Variants in HSPG2 observed in about 807,000 individuals in gnomAD.
HSPG2 encodes basement membrane-specific heparan sulfate proteoglycan core protein.
In HSPG2, 278 loss-of-function variants were observed where a neutral mutation model predicts 526.6. That is an observed-to-expected ratio of 0.53 (90% CI 0.48 to 0.58). The LOEUF (loss-of-function observed/expected upper bound fraction) is 0.58, where lower values mean the gene tolerates loss of function less well. Ranked by LOEUF, HSPG2 falls within the 20% of genes least tolerant of loss-of-function variation. The pLI, the probability that HSPG2 is intolerant of heterozygous loss-of-function variation, is 0.00. For missense variants in HSPG2, 5,354 were observed against 6,099.5 expected (o/e 0.88, Z 4.07); for synonymous variants, 2,465 against 2,555.4 (o/e 0.96, Z 1.07).
At chr1:21,936,659 A>T (rs1426880341) in intron 1 of HSPG2, among the ~76,000 whole-genome samples, 2 of 152,142 alleles carry the variant, frequency 1.3e-5, no homozygotes, top group Non-Finnish European at 2.9e-5. Flanking sequence ...TTCTGTCCCA[A>T]AAGTTTTGCT....
intron 3 of HSPG2, among the ~76,000 whole-genome samples, chr1:21,892,862 C>CG: frequency 9.6e-6 from 1 of 103,884 alleles, no homozygotes; most frequent in African/African-American, 3.9e-5. Flanking sequence ...GACTCCATCT[C>CG]AAAAAAAAAA....
chr1:21,875,655 G>C lies in HSPG2; in HGVS notation c.3276C>G (p.Ser1092=). 1.2e-6 allele frequency: 2 copies of C among 1,602,606 alleles called. No homozygotes were observed. The highest frequency in any genetic ancestry group is 8.5e-7 in the Non-Finnish European group (1 of 1,179,944). ...TGCTCTCAGCGGGCTGCTGGGCGTAGGATGCTCGGATCAGGAGGGTGTCGA... is the reference window on the plus strand; with the variant it reads ...TGCTCTCAGCGGGCTGCTGGGCGTACGATGCTCGGATCAGGAGGGTGTCGA... ...AGIDTLLIRA[S]YAQQPAESRV... The change falls in exon 25 of 97, where the codon TCC becomes TCG. Residue 1092 remains serine (S), a synonymous_variant. Transcript: ENST00000374695.
intron 86 of HSPG2, 150 bp downstream of exon 86, chr1:21,829,843 C>T: frequency 1.3e-6 from 1 of 785,646 alleles, no homozygotes; most frequent in Non-Finnish European, 2.1e-6. Flanking sequence ...GGGGCTCAGG[C>T]TGGGCAGACA....
rs765268891 is a variant in HSPG2 at position 21,831,575 on chromosome 1, G to A, written c.11353-13C>T. ...CCTGGAACTTGCCCTGGGGAGGTGG[G>A]GAAGTCAGGAATGGCAACAGAGGCT... On this transcript the variant is annotated splice_polypyrimidine_tract_variant and intron_variant, in intron 82 of 96. Transcript: ENST00000374695. 3 of 1,614,040 alleles carry A rather than the reference G, an allele frequency of 1.9e-6. No individual in the cohort carries two copies. Among genetic ancestry groups the A allele is most frequent in the Middle Eastern group, 1.6e-4 (1 of 6,062 alleles).
chr1:21,838,725 G>T, intron 74 of HSPG2, 100 bp downstream of exon 74: 2 of 1,283,838 alleles, frequency 1.6e-6, no homozygotes, highest in Non-Finnish European at 1.1e-6. Context: ...TCCAGGTGGG[G>T]TTATGGAGGG....
At position 21,872,509 on chromosome 1, in the gene HSPG2, C is replaced by T; in HGVS notation, c.4029+111G>A. 1 of 1,413,702 alleles carries T rather than the reference C, an allele frequency of 7.1e-7. No individual in the cohort carries two copies. The highest frequency in any genetic ancestry group is 9.8e-7 in the Non-Finnish European group (1 of 1,023,742). 87.6% of individuals were successfully genotyped at this position (1,413,702 alleles called of 1,614,324 possible). On this transcript the variant is annotated intron_variant, in intron 32 of 96. Transcript: ENST00000374695. This position sits in a 1 kb window ranked among gnomAD's most constrained non-coding sequence, Gnocchi z 5.5. Reference sequence around the variant, plus strand: ...AGGACTGCGAGAGAAATAATGGGGGCATGTGAGGGTACTGAGGCGGGGATG... The same window carrying T: ...AGGACTGCGAGAGAAATAATGGGGGTATGTGAGGGTACTGAGGCGGGGATG...
intron 52 of HSPG2, 46 bp downstream of exon 52, chr1:21,852,654 G>T (rs1359181071): frequency 3.1e-6 from 5 of 1,611,392 alleles, no homozygotes; most frequent in African/African-American, 2.7e-5. Context: ...CACCCCGGAG[G>T]CCTCTCTGCC....
rs1240350391 is a variant in HSPG2 at position 21,839,774 on chromosome 1, C to T, written c.9709+48G>A. ...TCACATGTGTCTACATTTCAGACCC[C>T]AGGGCATCCCTGCCCTGCCAGCCCT... On this transcript the variant is annotated intron_variant, in intron 72 of 96. Coordinates refer to ENST00000374695, the MANE Select transcript of HSPG2 (RefSeq NM_005529.7). This position sits in a 1 kb window ranked among gnomAD's most constrained non-coding sequence, Gnocchi z 4.5. The T allele has an allele frequency of 6.3e-6, 10 of 1,596,602 alleles. No homozygotes were observed. Among genetic ancestry groups the T allele is most frequent in the Non-Finnish European group, 8.6e-6 (10 of 1,168,772 alleles).
Position 21,896,306 on chromosome 1 carries a change from G to T in HSPG2, c.68C>A (p.Thr23Asn). The change falls in exon 2 of 97, where the codon ACC (threonine) becomes AAC (asparagine). Residue 23 changes from threonine (T) to asparagine (N), a missense_variant. Thr to Asn is a moderately conservative substitution (Grantham distance 65). Transcript: ENST00000374695. ...LLLHGRLLAV[T>N]HGLRAYDGLS... ...GCCATCGTATGCCCTCAGCCCATGG[G>T]TCACCTGTAAGCAAACGAGAGCTGA... The T allele has an allele frequency of 6.2e-7, 1 of 1,613,184 alleles. No homozygotes were observed. Among genetic ancestry groups the T allele is most frequent in the Non-Finnish European group, 8.5e-7 (1 of 1,180,010 alleles).
Position 21,839,673 on chromosome 1 carries a change from C to G in HSPG2, c.9710-123G>C. 7.1e-7 allele frequency: 1 copy of G among 1,405,328 alleles called. No homozygotes were observed. The highest frequency in any genetic ancestry group is 9.8e-7 in the Non-Finnish European group (1 of 1,017,654). The allele number at this position is 1,405,328 out of a possible 1,614,324, so 87.1% of individuals were successfully genotyped here. ...CTCTATGGGGACCCCAGTTGGGTTC[C>G]TCGGCCATCACTGGGGGATGCTAGC... On this transcript the variant is annotated intron_variant, in intron 72 of 96. Coordinates refer to ENST00000374695, the MANE Select transcript of HSPG2 (RefSeq NM_005529.7). This position sits in a 1 kb window ranked among gnomAD's most constrained non-coding sequence, Gnocchi z 4.5.
intron 21 of HSPG2, 36 bp downstream of exon 21, chr1:21,878,150 C>T (rs781722915): frequency 4.4e-6 from 7 of 1,597,496 alleles, no homozygotes; most frequent in Middle Eastern, 3.5e-4. Flanking sequence ...GTGCTGGGCC[C>T]AAGGCCCCTG....
chr1:21,928,841 C>G (rs983523754), intron 1 of HSPG2, among the ~76,000 whole-genome samples: 2 of 152,050 alleles, frequency 1.3e-5, no homozygotes, highest in African/African-American at 4.8e-5. Context: ...CCTCCGCCTC[C>G]CGGGTTCAAG....
At chr1:21,837,748 G>T (rs184696782) in intron 74 of HSPG2, among the ~76,000 whole-genome samples, 1 of 152,260 alleles carries the variant, frequency 6.6e-6, no homozygotes, top group African/African-American at 2.4e-5. Context: ...AGTGCCTACT[G>T]CGAGCCACAG....
At chr1:21,915,829 C>T (rs1463238573) in intron 1 of HSPG2, among the ~76,000 whole-genome samples, 5 of 151,882 alleles carry the variant, frequency 3.3e-5, no homozygotes, top group Non-Finnish European at 7.4e-5. Context: ...GTGGGCGGAT[C>T]ACCTGAGGTC....
chr1:21,915,940 A>C (rs1643876391), intron 1 of HSPG2, among the ~76,000 whole-genome samples: 1 of 151,692 alleles, frequency 6.6e-6, no homozygotes, highest in Non-Finnish European at 1.5e-5. Flanking sequence ...AATCCCAGCT[A>C]CTCGGGAGGC....
chr1:21,846,691 C>G, intron 62 of HSPG2, 92 bp from the exon 63 acceptor site: 1 of 1,415,388 alleles, frequency 7.1e-7, no homozygotes, highest in Non-Finnish European at 1.0e-6. Context: ...ATCTCACCCC[C>G]CAGAGTAACA....
rs1162348151 is a variant in HSPG2 at position 21,823,388 on chromosome 1, G to C, written c.13104C>G (p.Ala4368=). The C allele has an allele frequency of 1.3e-6, 2 of 1,557,978 alleles. No homozygotes were observed. The highest frequency in any genetic ancestry group is 1.7e-6 in the Non-Finnish European group (2 of 1,156,316). Reference sequence around the variant, plus strand: ...GCAGGTCCAGGGGCTGTGGGGGCGGGGCGCCGGGTCGGGCCGAGTGCAGCA... The same window carrying C: ...GCAGGTCCAGGGGCTGTGGGGGCGGCGCGCCGGGTCGGGCCGAGTGCAGCA... ...NLVLHSARPG[A]PPPQPLDLQH... The change falls in exon 97 of 97, where the codon GCC becomes GCG. Residue 4368 remains alanine, a synonymous_variant. Transcript: ENST00000374695.
chr1:21,886,879 C>G (rs1270877415), intron 9 of HSPG2, among the ~76,000 whole-genome samples: 13 of 152,244 alleles, frequency 8.5e-5, no homozygotes, highest in Admixed American at 7.8e-4. Context: ...CCTAGCCATT[C>G]ATCCGACCCA....
intron 1 of HSPG2, among the ~76,000 whole-genome samples, chr1:21,902,227 G>GT (rs1191664772): frequency 6.6e-6 from 1 of 152,212 alleles, no homozygotes; most frequent in Non-Finnish European, 1.5e-5. Context: ...CGGAAGGGAG[G>GT]TGGCCACAGC....
Sources: gnomAD v4.1 joint callset for allele counts (sites outside exome capture counted in the v4.1 genomes callset) on GRCh38, gnomAD v4.1.1 for gene constraint, Gnocchi (gnomAD v3.1) non-coding constraint, MANE v1.5 for transcripts, NCBI Gene and HGNC (gene_info 2026-07-23, HGNC 2026-07-21) for gene names.